The following ERI3 variants were observed in gnomAD, a reference collection of about 807,000 sequenced individuals.
The protein encoded by ERI3 is ERI1 exoribonuclease 3.
In ERI3, 18 loss-of-function variants were observed where a neutral mutation model predicts 44.4. That is an observed-to-expected ratio of 0.41 (90% CI 0.28 to 0.60). The LOEUF (loss-of-function observed/expected upper bound fraction) is 0.60. Among genes scored for constraint, ERI3 ranks in the 20% least tolerant of loss-of-function variants. ERI3 has a pLI of 0.36. For synonymous variants in ERI3, 183 were observed against 164.8 expected, an observed-to-expected ratio of 1.11 and a Z score of -0.84; for missense variants, 294 against 435.5, an observed-to-expected ratio of 0.68 and a Z score of 2.89.
chr1:44,312,594 T>C (rs950657491), intron 5 of ERI3, among the ~76,000 whole-genome samples: 5 of 152,244 alleles, frequency 3.3e-5, no homozygotes, highest in African/African-American at 9.6e-5. Context: ...TAGGCAATTG[T>C]TGTAATTATT....
chr1:44,310,959 G>GCGCA (rs1553195227), intron 5 of ERI3, among the ~76,000 whole-genome samples: 2 of 81,254 alleles, frequency 2.5e-5, no homozygotes, highest in African/African-American at 5.0e-5. Flanking sequence ...CATCGCGCGC[G>GCGCA]CGCGCACACA....
chr1:44,286,617 C>T (rs1012293961), intron 6 of ERI3, among the ~76,000 whole-genome samples: 1 of 152,122 alleles, frequency 6.6e-6, no homozygotes, highest in East Asian at 1.9e-4. Context: ...TAAAATGAAA[C>T]CAGGTTACCC....
chr1:44,295,212 G>C (rs574271736), intron 6 of ERI3, among the ~76,000 whole-genome samples: 17 of 152,176 alleles, frequency 1.1e-4, no homozygotes, highest in Non-Finnish European at 2.1e-4. Context: ...AATGGGAGAG[G>C]AAGAATGGGC....
In ERI3 at chr1:44,342,815, A is replaced by C. The variant is rs1174933615; in HGVS notation, c.212-3493T>G. ...GCATGTGCCACCACATCCAGCTAAT[A>C]TATATATATATATATATATATATAT... On this transcript the variant is annotated intron_variant, in intron 2 of 8. Coordinates refer to ENST00000372257, the MANE Select transcript of ERI3 (RefSeq NM_024066.3). 1.2e-3 allele frequency among the ~76,000 whole-genome samples: 11 copies of C among 9,072 alleles called. 1 individual carries two copies. The highest frequency in any genetic ancestry group is 2.5e-3 in the Non-Finnish European group (10 of 4,036). 6.0% of individuals were successfully genotyped at this position (9,072 alleles called of 152,430 possible). A position where few individuals can be genotyped will look rare whatever the true frequency, so the allele number is the denominator to read the frequency against.
chr1:44,307,815 G>T (rs1645871598), intron 6 of ERI3, among the ~76,000 whole-genome samples: 1 of 152,178 alleles, frequency 6.6e-6, no homozygotes, highest in Non-Finnish European at 1.5e-5. Flanking sequence ...TAATAGTTAA[G>T]AGCAAGGACC....
chr1:44,248,566 A>G (rs1311491601), intron 7 of ERI3, among the ~76,000 whole-genome samples: 1 of 152,128 alleles, frequency 6.6e-6, no homozygotes, highest in African/African-American at 2.4e-5. Context: ...TTTGACCACA[A>G]GCAGGCCAGG....
chr1:44,286,306 A>G (rs1373526293), intron 6 of ERI3, among the ~76,000 whole-genome samples: 1 of 152,162 alleles, frequency 6.6e-6, no homozygotes, highest in Non-Finnish European at 1.5e-5. Context: ...TTGGGAATGC[A>G]GTTTTAGACA....
intron 6 of ERI3, among the ~76,000 whole-genome samples, chr1:44,288,943 G>A (rs1241293542): frequency 1.3e-5 from 2 of 152,224 alleles, no homozygotes; most frequent in East Asian, 1.9e-4. Flanking sequence ...AGTGGGCCCT[G>A]GACTAGCCTG....
chr1:44,283,914 C>T, intron 7 of ERI3: 1 of 446,838 alleles, frequency 2.2e-6, no homozygotes, highest in Non-Finnish European at 4.6e-6. Flanking sequence ...CAGGTCAAGA[C>T]TCAAATCCTC....
intron 2 of ERI3, among the ~76,000 whole-genome samples, chr1:44,342,365 C>A (rs371004252): frequency 1.3e-5 from 2 of 152,030 alleles, no homozygotes; most frequent in African/African-American, 4.8e-5. Context: ...TACAGAGGAA[C>A]TGATCAAAGA....
chr1:44,259,900 T>C (rs1216401532), intron 7 of ERI3, among the ~76,000 whole-genome samples: 1 of 147,804 alleles, frequency 6.8e-6, no homozygotes, highest in Non-Finnish European at 1.5e-5. Flanking sequence ...GATAGATAGA[T>C]AGATAGATAG....
At chr1:44,304,003 T>C (rs1645780538) in intron 6 of ERI3, among the ~76,000 whole-genome samples, 1 of 151,948 alleles carries the variant, frequency 6.6e-6, no homozygotes, top group Admixed American at 6.6e-5. Context: ...AATTAATTGG[T>C]GTGGATAGAG....
rs372090718 is a variant in ERI3 at position 44,339,340 on chromosome 1, TAAAAA to T, written c.212-23_212-19del. On this transcript the variant is annotated intron_variant, in intron 2 of 8. Coordinates refer to ENST00000372257, the MANE Select transcript of ERI3 (RefSeq NM_024066.3). ...ATCTAAAACTTAGGGGAGGAAAGTT[TAAAAA>T]AAAAAAAAAAAAAGAAAAGAAAGAA... 53 of 976,706 alleles carry T rather than the reference TAAAAA, an allele frequency of 5.4e-5. No homozygotes were observed. The African/African-American group carries it at 1.1e-3, about 21-fold the overall frequency. The allele number at this position is 976,706 out of a possible 1,614,324, so 60.5% of individuals were successfully genotyped here. A position where few individuals can be genotyped will look rare whatever the true frequency, so the allele number is the denominator to read the frequency against.
At chr1:44,321,168 C>T (rs1056809798) in intron 3 of ERI3, among the ~76,000 whole-genome samples, 7 of 152,170 alleles carry the variant, frequency 4.6e-5, no homozygotes, top group African/African-American at 1.7e-4. Context: ...TAATATTGGG[C>T]TTGTTTTTAA....
chr1:44,299,519 T>C (rs1393683710), intron 6 of ERI3, among the ~76,000 whole-genome samples: 1 of 151,946 alleles, frequency 6.6e-6, no homozygotes, highest in Non-Finnish European at 1.5e-5. Context: ...AACTAGCTGA[T>C]GTTCAAAAAG....
rs1434388483 is a variant in ERI3, at chr1:44,310,961, G to A, written c.666+2208C>T. ...GCATGTATGTGCACATCGCGCGCGC[G>A]CGCACACACACACACACACACACAC... On this transcript the variant is annotated intron_variant, in intron 5 of 8. Transcript: ENST00000372257. Among the ~76,000 whole-genome samples, 11 of 84,692 alleles carry A rather than the reference G, an allele frequency of 1.3e-4. No individual in the cohort carries two copies. The East Asian group carries it at 2.5e-3, about 20-fold the overall frequency. 55.6% of individuals were successfully genotyped at this position (84,692 alleles called of 152,430 possible). A position where few individuals can be genotyped will look rare whatever the true frequency, so the allele number is the denominator to read the frequency against.
intron 5 of ERI3, among the ~76,000 whole-genome samples, chr1:44,312,790 T>C (rs1165910725): frequency 6.6e-6 from 1 of 152,114 alleles, no homozygotes; most frequent in Non-Finnish European, 1.5e-5. Context: ...AAGCCAACAC[T>C]AAAGCTAAAC....
chr1:44,309,643 C>T (rs1645911677), intron 5 of ERI3, among the ~76,000 whole-genome samples: 1 of 151,916 alleles, frequency 6.6e-6, no homozygotes. Context: ...TGGCTCACTG[C>T]AAGCTCCGCC....
intron 1 of ERI3, chr1:44,353,317 T>A: frequency 2.0e-6 from 2 of 985,216 alleles, no homozygotes; most frequent in Non-Finnish European, 2.4e-6. Flanking sequence ...TTGCCACAAA[T>A]CCACAAGCCA....
Sources: gnomAD v4.1 joint callset for allele counts (sites outside exome capture counted in the v4.1 genomes callset) on GRCh38, gnomAD v4.1.1 for gene constraint, MANE v1.5 for transcripts, NCBI Gene and HGNC (gene_info 2026-07-23, HGNC 2026-07-21) for gene names.